The following RPA3 variants were observed in gnomAD, a reference collection of about 807,000 sequenced individuals.
RPA3 encodes replication protein A3.
A neutral mutation model predicts 13.7 loss-of-function variants in RPA3; 24 were observed. The ratio of observed to expected loss-of-function variants is 1.75; its 90% confidence interval spans 1.27 to 2.46. RPA3 has a LOEUF of 2.46. Among genes scored for constraint, RPA3 ranks in the 30% most tolerant of loss-of-function variants. The probability of loss-of-function intolerance (pLI) is 0.00; values close to 1 mark genes in which losing one functional copy is unlikely to be tolerated. For missense variants in RPA3, 183 were observed against 151.0 expected (o/e 1.21, Z -1.11); for synonymous variants, 59 against 51.2 (o/e 1.15, Z -0.65).
intron 2 of RPA3, among the ~76,000 whole-genome samples, chr7:7,691,585 C>T (rs568556619): frequency 6.6e-5 from 10 of 152,278 alleles, no homozygotes; most frequent in Non-Finnish European, 8.8e-5. Context: ...TCTCATCTTA[C>T]GCATTTCAGA....
chr7:7,718,167 T>C (rs1780964791), intron 1 of RPA3, among the ~76,000 whole-genome samples: 1 of 152,256 alleles, frequency 6.6e-6, no homozygotes, highest in Non-Finnish European at 1.5e-5. Context: ...AAGAAGAAAT[T>C]GCAGAACTTG....
chr7:7,686,154 A>G (rs1780037645), intron 3 of RPA3, among the ~76,000 whole-genome samples, 156 bp from the exon 4 acceptor site: 1 of 152,168 alleles, frequency 6.6e-6, no homozygotes, highest in Non-Finnish European at 1.5e-5. Flanking sequence ...TTATTTTTAT[A>G]AGGTATGGTA....
chr7:7,702,631 C>G (rs1420099785), intron 2 of RPA3, among the ~76,000 whole-genome samples: 1 of 152,074 alleles, frequency 6.6e-6, no homozygotes, highest in Non-Finnish European at 1.5e-5. Context: ...AAATAAAAAG[C>G]AAAAGTTTCT....
At chr7:7,708,202 ACTGT>A (rs1205487873) in intron 2 of RPA3, among the ~76,000 whole-genome samples, 10 of 152,182 alleles carry the variant, frequency 6.6e-5, no homozygotes, top group Non-Finnish European at 1.5e-5. Flanking sequence ...CTTCTCCTTA[ACTGT>A]CTGTAACTTA....
In RPA3 at chr7:7,713,478, T is replaced by G. The variant is rs1780817187; in HGVS notation, c.-1028+1697A>C. 2.0e-5 allele frequency among the ~76,000 whole-genome samples: 3 copies of G among 151,932 alleles called. No homozygotes were observed. In the South Asian group the frequency reaches 6.3e-4, roughly 32 times the overall value. ...CATTATGTTCTGCTCCTCCCCCCCATGGCAATATTGTTTATTTATTGCTTT... is the reference window on the plus strand; with the variant it reads ...CATTATGTTCTGCTCCTCCCCCCCAGGGCAATATTGTTTATTTATTGCTTT... On this transcript the variant is annotated intron_variant, in intron 2 of 7. Transcript: ENST00000223129.
intron 2 of RPA3, among the ~76,000 whole-genome samples, chr7:7,688,891 T>G (rs1780102879): frequency 6.6e-6 from 1 of 152,212 alleles, no homozygotes; most frequent in Admixed American, 6.5e-5. Flanking sequence ...GGTAATATCT[T>G]CTATTAAGGT....
chr7:7,675,074 A>G (rs1779705197), intron 4 of RPA3, among the ~76,000 whole-genome samples: 1 of 152,108 alleles, frequency 6.6e-6, no homozygotes, highest in Non-Finnish European at 1.5e-5. Flanking sequence ...CATGTTGCCC[A>G]GGTTGGTCTT....
intron 1 of RPA3, among the ~76,000 whole-genome samples, chr7:7,716,027 A>G (rs1378997804): frequency 6.6e-6 from 1 of 152,228 alleles, no homozygotes. Flanking sequence ...TTTAAATTAG[A>G]AACTAATATA....
At chr7:7,693,673 A>G (rs1037632156) in intron 2 of RPA3, among the ~76,000 whole-genome samples, 2 of 152,146 alleles carry the variant, frequency 1.3e-5, no homozygotes, top group Non-Finnish European at 2.9e-5. Flanking sequence ...GCACAAATTT[A>G]TGCCTTGTTT....
chr7:7,708,669 T>C (rs1054888031), intron 2 of RPA3, among the ~76,000 whole-genome samples: 7 of 152,228 alleles, frequency 4.6e-5, no homozygotes, highest in Admixed American at 1.3e-4. Flanking sequence ...TTCCTACTAC[T>C]TCGTTTTGGC....
intron 2 of RPA3, among the ~76,000 whole-genome samples, chr7:7,690,098 G>A (rs571991231): frequency 1.3e-5 from 2 of 152,238 alleles, no homozygotes; most frequent in African/African-American, 4.8e-5. Flanking sequence ...TTTCAGGAAC[G>A]TATTACTGAT....
At chr7:7,659,302 C>A (rs36130255) in intron 4 of RPA3, among the ~76,000 whole-genome samples, 21,358 of 151,620 alleles carry the variant, frequency 0.14, 1,754 homozygotes, top group Middle Eastern at 0.24. Context: ...GTCTCTATCT[C>A]CTTCATTTTT....
intron 2 of RPA3, among the ~76,000 whole-genome samples, chr7:7,701,199 AC>A (rs1340705066): frequency 6.6e-6 from 1 of 152,180 alleles, no homozygotes; most frequent in Non-Finnish European, 1.5e-5. Context: ...AATCTATCAT[AC>A]CTATTTAAGG....
intron 2 of RPA3, among the ~76,000 whole-genome samples, chr7:7,703,442 T>C (rs1187329447): frequency 6.6e-6 from 1 of 152,226 alleles, no homozygotes; most frequent in Non-Finnish European, 1.5e-5. Context: ...ATTTCTTATT[T>C]ATTAAATAAA....
chr7:7,672,505 A>C (rs764966015), intron 4 of RPA3, among the ~76,000 whole-genome samples: 1 of 152,178 alleles, frequency 6.6e-6, no homozygotes, highest in Non-Finnish European at 1.5e-5. Context: ...TCCCCACCCA[A>C]ATCTCACTTT....
intron 2 of RPA3, among the ~76,000 whole-genome samples, chr7:7,708,584 A>G (rs1030276881): frequency 2.6e-5 from 4 of 152,204 alleles, no homozygotes; most frequent in Non-Finnish European, 5.9e-5. Context: ...ACCTTTAAAA[A>G]TAAGTCAACA....
intron 4 of RPA3, among the ~76,000 whole-genome samples, chr7:7,675,409 G>A (rs1409225473): frequency 6.6e-6 from 1 of 152,088 alleles, no homozygotes; most frequent in African/African-American, 2.4e-5. Context: ...TCCAATTTCT[G>A]GTAGCATGTA....
At chr7:7,709,034 CCTAA>C (rs977732755) in intron 2 of RPA3, among the ~76,000 whole-genome samples, 3 of 151,764 alleles carry the variant, frequency 2.0e-5, no homozygotes, top group African/African-American at 7.3e-5. Context: ...GGAAAACAGT[CCTAA>C]CTATTAAAAA....
At chr7:7,684,433 T>A in intron 4 of RPA3, among the ~76,000 whole-genome samples, 1 of 152,126 alleles carries the variant, frequency 6.6e-6, no homozygotes, top group East Asian at 1.9e-4. Flanking sequence ...GGTCTTGAAC[T>A]TCTGGCCTTG....
Sources: allele counts gnomAD v4.1 joint callset (sites outside exome capture counted in the v4.1 genomes callset), GRCh38; gene constraint gnomAD v4.1.1; transcripts MANE v1.5; gene names NCBI Gene and HGNC (gene_info 2026-07-23, HGNC 2026-07-21).